PLN: variants seen among roughly 807,000 people sequenced by gnomAD.
PLN encodes cardiac phospholamban.
PLN carries 1 observed loss-of-function variant against 3.9 expected under a neutral mutation model. The ratio of observed to expected loss-of-function variants is 0.26; its 90% CI spans 0.09 to 1.23. The LOEUF (loss-of-function observed/expected upper bound fraction) is 1.23, where lower values mean the gene tolerates loss of function less well. Ranked by LOEUF, PLN falls within the 50% of genes most tolerant of loss-of-function variation. The pLI is 0.48. For synonymous variants in PLN, 21 were observed against 20.5 expected, an observed-to-expected ratio of 1.02 and a Z score of -0.07; for missense variants, 59 against 62.7, an observed-to-expected ratio of 0.94 and a Z score of 0.20.
rs145042030 is a variant in PLN, at chr6:118,558,739, A to G, written c.-97-86A>G. The G allele has an allele frequency of 1.6e-4, 101 of 637,548 alleles. 2 individuals are homozygous for G. The East Asian group carries it at 2.8e-3, about 17-fold the overall frequency. The allele number at this position is 637,548 out of a possible 1,614,324, so 39.5% of individuals were successfully genotyped here. A position where few individuals can be genotyped will look rare whatever the true frequency, so the allele number is the denominator to read the frequency against. On this transcript the variant is annotated intron_variant, in intron 1 of 1. Transcript: ENST00000357525. ...TTATAAATAACAATAGTGCTGAGGA[A>G]GATGAATTAGTGTAAAATTGTATTT...
intron 1 of PLN, among the ~76,000 whole-genome samples, chr6:118,554,826 G>A (rs1478683078): frequency 2.0e-5 from 3 of 152,166 alleles, no homozygotes; most frequent in South Asian, 2.1e-4. Context: ...TCCAGGCAGA[G>A]ATAGAACAAC....
chr6:118,559,164 A>C lies in PLN; in HGVS notation c.*84A>C. 1.0e-6 allele frequency: 1 copy of C among 974,426 alleles called. No individual in the cohort carries two copies. Among genetic ancestry groups the C allele is most frequent in the Non-Finnish European group, 1.7e-6 (1 of 595,984 alleles). 60.4% of individuals were successfully genotyped at this position (974,426 alleles called of 1,614,324 possible). ...CATGCAGACAGGAAAACAATATTGT[A>C]TAACAGACCACTTCCTGAGTAGAAG... On this transcript the variant is annotated 3_prime_UTR_variant, in exon 2 of 2. Transcript: ENST00000357525.
At chr6:118,553,215 TAAAA>T (rs59502810) in intron 1 of PLN, among the ~76,000 whole-genome samples, 61 of 138,906 alleles carry the variant, frequency 4.4e-4, no homozygotes, top group Non-Finnish European at 5.9e-4. Context: ...GTTAAGAAAT[TAAAA>T]AAAAAAAAAA....
At chr6:118,558,327 G>A (rs1583044723) in intron 1 of PLN, among the ~76,000 whole-genome samples, 1 of 152,064 alleles carries the variant, frequency 6.6e-6, no homozygotes, top group Non-Finnish European at 1.5e-5. Context: ...AGAAGTGTTT[G>A]GGGTCTTTAT....
intron 1 of PLN, among the ~76,000 whole-genome samples, chr6:118,555,219 C>T (rs560548120): frequency 5.9e-5 from 9 of 152,152 alleles, no homozygotes; most frequent in East Asian, 1.9e-4. Context: ...ATCACGAGGT[C>T]GGGAGATCGA....
At position 118,560,866 on chromosome 6, in the gene PLN, T is replaced by G. The variant is rs939661891; in HGVS notation, c.*1786T>G. 1 of 152,386 alleles carries G rather than the reference T, an allele frequency of 6.6e-6. No individual in the cohort carries two copies. Among genetic ancestry groups the G allele is most frequent in the Admixed American group, 6.5e-5 (1 of 15,272 alleles). 9.4% of individuals were successfully genotyped at this position (152,386 alleles called of 1,614,324 possible). On this transcript the variant is annotated 3_prime_UTR_variant, in exon 2 of 2. Coordinates refer to ENST00000357525, the MANE Select transcript of PLN (RefSeq NM_002667.5). ...CTAAAGTTTAAAATTAAGTCTAAAA[T>G]AGTTTACACCTATACTGCATAATCC... is the stretch of plus-strand genomic sequence containing the variant.
intron 1 of PLN, among the ~76,000 whole-genome samples, chr6:118,555,513 C>A (rs1778808938): frequency 1.3e-5 from 2 of 151,346 alleles, no homozygotes; most frequent in South Asian, 4.2e-4. Flanking sequence ...AAGCAAATAT[C>A]AACATAAGCA....
chr6:118,555,627 T>C (rs1778816147), intron 1 of PLN, among the ~76,000 whole-genome samples: 1 of 152,306 alleles, frequency 6.6e-6, no homozygotes, highest in African/African-American at 2.4e-5. Context: ...TAAATATATG[T>C]CAAGTTTAAG....
rs1779161276 is a variant in PLN at position 118,560,484 on chromosome 6, A to G, written c.*1404A>G. ...TAGGCAGAGGAGGAGAAAGATGGGG[A>G]GGAAGAGAAGGCGTTGGTCTTGCAG... On this transcript the variant is annotated 3_prime_UTR_variant, in exon 2 of 2. Transcript: ENST00000357525. The G allele has an allele frequency of 6.0e-6, 1 of 166,992 alleles. No homozygotes were observed. The highest frequency in any genetic ancestry group is 2.1e-4 in the South Asian group (1 of 4,814). 10.3% of individuals were successfully genotyped at this position (166,992 alleles called of 1,614,324 possible). A position where few individuals can be genotyped will look rare whatever the true frequency, so the allele number is the denominator to read the frequency against.
At position 118,559,982 on chromosome 6, in the gene PLN, A is replaced by C. The variant is rs1352199602; in HGVS notation, c.*902A>C. On this transcript the variant is annotated 3_prime_UTR_variant, in exon 2 of 2. Transcript: ENST00000357525. ...TGGAATCATGAAACCTTAAGACTTC[A>C]GAATGATTTTGCAGGTTGTCTTCCA... 6.0e-6 allele frequency: 1 copy of C among 167,114 alleles called. No homozygotes were observed. Among genetic ancestry groups the C allele is most frequent in the Non-Finnish European group, 1.5e-5 (1 of 68,118 alleles). 10.4% of individuals were successfully genotyped at this position (167,114 alleles called of 1,614,324 possible). A position where few individuals can be genotyped will look rare whatever the true frequency, so the allele number is the denominator to read the frequency against.
At chr6:118,558,786 A>C (rs1416383919) in intron 1 of PLN, 39 bp from the exon 2 acceptor site, 3 of 713,342 alleles carry the variant, frequency 4.2e-6, no homozygotes, top group African/African-American at 1.8e-5. Flanking sequence ...GATAGGTTAC[A>C]TAGATGATTC....
In PLN at chr6:118,559,191, G is replaced by A; in HGVS notation, c.*111G>A. ...AACAGACCACTTCCTGAGTAGAAGA[G>A]TTTCTTTGTGAAAAGGTCAAGATTA... On this transcript the variant is annotated 3_prime_UTR_variant, in exon 2 of 2. Coordinates refer to ENST00000357525, the MANE Select transcript of PLN (RefSeq NM_002667.5). 1 of 839,940 alleles carries A rather than the reference G, an allele frequency of 1.2e-6. No individual in the cohort carries two copies. 52.0% of individuals were successfully genotyped at this position (839,940 alleles called of 1,614,324 possible).
At chr6:118,548,603 T>C (rs1778348366) in intron 1 of PLN, among the ~76,000 whole-genome samples, 2 of 152,074 alleles carry the variant, frequency 1.3e-5, no homozygotes, top group South Asian at 4.1e-4. Context: ...ATGAAAAAGG[T>C]CATATTCATC....
chr6:118,554,537 T>C (rs938630505), intron 1 of PLN, among the ~76,000 whole-genome samples: 9 of 152,196 alleles, frequency 5.9e-5, no homozygotes, highest in African/African-American at 2.2e-4. Context: ...GCATACCAAT[T>C]ATGCACTAAG....
At chr6:118,557,539 T>C (rs1279106387) in intron 1 of PLN, among the ~76,000 whole-genome samples, 2 of 152,126 alleles carry the variant, frequency 1.3e-5, no homozygotes, top group African/African-American at 4.8e-5. Context: ...ACAGTGCACA[T>C]TAGGTTCACT....
At chr6:118,548,897 A>G (rs1200514176) in intron 1 of PLN, among the ~76,000 whole-genome samples, 3 of 152,058 alleles carry the variant, frequency 2.0e-5, no homozygotes, top group African/African-American at 4.8e-5. Flanking sequence ...ATAATTTCAT[A>G]CAGTGAATAA....
chr6:118,559,409 A>T lies in PLN; in HGVS notation c.*329A>T, dbSNP rs1396914739. The stretch of plus-strand genomic sequence containing the variant: ...GTTTAGTTTTAAAACTGCACTGCCA[A>T]CAAGTTCACTTCATATATAAAGCAT... On this transcript the variant is annotated 3_prime_UTR_variant, in exon 2 of 2. Transcript: ENST00000357525. 5.7e-6 allele frequency: 2 copies of T among 349,680 alleles called. No homozygotes were observed. The allele number at this position is 349,680 out of a possible 1,614,324, so 21.7% of individuals were successfully genotyped here. A position where few individuals can be genotyped will look rare whatever the true frequency, so the allele number is the denominator to read the frequency against.
chr6:118,558,927 G>C lies in PLN; in HGVS notation c.6G>C (p.Glu2Asp), dbSNP rs1583047436. The C allele has an allele frequency of 6.2e-7, 1 of 1,613,768 alleles. No homozygotes were observed. The highest frequency in any genetic ancestry group is 8.5e-7 in the Non-Finnish European group (1 of 1,179,708). M[E>D]KVQYLTRSAI... ...CTTCCTGTCCTGCTGGTATCATGGAGAAAGTCCAATACCTCACTCGCTCAG... is the reference window on the plus strand; with the variant it reads ...CTTCCTGTCCTGCTGGTATCATGGACAAAGTCCAATACCTCACTCGCTCAG... The change falls in exon 2 of 2, where the codon GAG (glutamate) becomes GAC (aspartate). Residue 2 changes from glutamate (E) to aspartate (D), a missense_variant. Physicochemically the swap from Glu to Asp is conservative, Grantham distance 45. Coordinates refer to ENST00000357525, the MANE Select transcript of PLN (RefSeq NM_002667.5).
chr6:118,549,485 TTAAAA>T (rs1230339075), intron 1 of PLN, among the ~76,000 whole-genome samples: 1 of 151,818 alleles, frequency 6.6e-6, no homozygotes, highest in Non-Finnish European at 1.5e-5. Flanking sequence ...CATATATATG[TTAAAA>T]TAAAATTTAT....
Sources: allele counts gnomAD v4.1 joint callset (sites outside exome capture counted in the v4.1 genomes callset), GRCh38; gene constraint gnomAD v4.1.1; transcripts MANE v1.5; gene names NCBI Gene and HGNC (gene_info 2026-07-23, HGNC 2026-07-21).